Variants in AGBL4 observed in about 807,000 individuals in gnomAD.
The protein encoded by AGBL4 is cytosolic carboxypeptidase 6.
Under a neutral mutation model 66.4 loss-of-function variants are expected in AGBL4, and 58 were observed. The ratio of observed to expected loss-of-function variants is 0.87; its 90% CI spans 0.71 to 1.09. The LOEUF is 1.09. Among genes scored for constraint, AGBL4 ranks in the 50% least tolerant of loss-of-function variants. The probability of loss-of-function intolerance (pLI) is 0.00; values close to 1 mark genes in which losing one functional copy is unlikely to be tolerated. For synonymous variants in AGBL4, 234 were observed against 222.9 expected (o/e 1.05, Z -0.44); for missense variants, 579 against 631.0 (o/e 0.92, Z 0.88).
At chr1:48,909,561 A>G (rs1439803181) in intron 5 of AGBL4, among the ~76,000 whole-genome samples, 1 of 152,188 alleles carries the variant, frequency 6.6e-6, no homozygotes, top group Non-Finnish European at 1.5e-5. Flanking sequence ...CTGCAATTAG[A>G]GTGAATTTGG....
At chr1:49,293,310 G>A (rs1216911180) in intron 3 of AGBL4, among the ~76,000 whole-genome samples, 1 of 152,170 alleles carries the variant, frequency 6.6e-6, no homozygotes, top group Non-Finnish European at 1.5e-5. Context: ...GCAGGCATAG[G>A]ATCCAAGCCA....
intron 3 of AGBL4, among the ~76,000 whole-genome samples, chr1:49,274,434 T>G (rs976566458): frequency 6.6e-6 from 1 of 152,152 alleles, no homozygotes; most frequent in African/African-American, 2.4e-5. Context: ...TTGTATGAGA[T>G]TACTAACATA....
rs142062299 is a variant in AGBL4 at position 48,549,588 on chromosome 1, G to A, written c.1268-9850C>T. Among the ~76,000 whole-genome samples, 6 of 152,084 alleles carry A rather than the reference G, an allele frequency of 3.9e-5. No homozygotes were observed. The East Asian group carries it at 1.2e-3, about 30-fold the overall frequency. ...GGCCGCAGAGGCAGAGACCAAAAGCGAAAGAGATGCAAATGGACAGGAAAA... is the reference window on the plus strand; with the variant it reads ...GGCCGCAGAGGCAGAGACCAAAAGCAAAAGAGATGCAAATGGACAGGAAAA... On this transcript the variant is annotated intron_variant, in intron 11 of 13. Coordinates refer to ENST00000371839, the MANE Select transcript of AGBL4 (RefSeq NM_032785.4).
chr1:49,103,706 G>A (rs1645243490), intron 4 of AGBL4, among the ~76,000 whole-genome samples: 1 of 152,058 alleles, frequency 6.6e-6, no homozygotes, highest in Non-Finnish European at 1.5e-5. Context: ...GTGTTACTAA[G>A]AAGATTCTAC....
chr1:48,548,028 G>A (rs908231142), intron 11 of AGBL4, among the ~76,000 whole-genome samples: 8 of 152,002 alleles, frequency 5.3e-5, no homozygotes, highest in Non-Finnish European at 8.8e-5. Context: ...AAATATTTAG[G>A]GAGAACTGAC....
chr1:49,014,206 C>T (rs1662652937), intron 5 of AGBL4, among the ~76,000 whole-genome samples: 1 of 152,180 alleles, frequency 6.6e-6, no homozygotes, highest in African/African-American at 2.4e-5. Context: ...ACTAAGGTTA[C>T]TCCATTTCTG....
chr1:49,407,369 A>G (rs1645227099), intron 3 of AGBL4, among the ~76,000 whole-genome samples: 3 of 152,218 alleles, frequency 2.0e-5, no homozygotes, highest in Non-Finnish European at 4.4e-5. Flanking sequence ...CTGGGTCTCT[A>G]GGCCATGGGC....
chr1:48,867,185 A>G lies in AGBL4; in HGVS notation c.634+6T>C, dbSNP rs1470124128. On this transcript the variant is annotated splice_donor_region_variant and intron_variant, in intron 6 of 13. Transcript: ENST00000371839. ...AAGCAAAGGCAGAAGGGCCACGCCT[A>G]CTCACCAGGGCTGGTTATCGTCAGG... is the stretch of plus-strand genomic sequence containing the variant. 2 of 1,613,472 alleles carry G rather than the reference A, an allele frequency of 1.2e-6. No individual in the cohort carries two copies. The highest frequency in any genetic ancestry group is 1.7e-5 in the Admixed American group (1 of 59,928).
At chr1:49,861,473 G>A (rs1463458586) in intron 1 of AGBL4, among the ~76,000 whole-genome samples, 2 of 152,094 alleles carry the variant, frequency 1.3e-5, no homozygotes, top group African/African-American at 4.8e-5. Context: ...TCAGAGTAAT[G>A]AGGCCCCTGT....
rs1645585798 is a variant in AGBL4, at chr1:49,829,047, C to A, written c.157+22349G>T. Among the ~76,000 whole-genome samples, 4 of 143,270 alleles carry A rather than the reference C, an allele frequency of 2.8e-5. No individual in the cohort carries two copies. The South Asian group carries it at 6.5e-4, about 23-fold the overall frequency. 94.0% of individuals were successfully genotyped at this position (143,270 alleles called of 152,430 possible). A position where few individuals can be genotyped will look rare whatever the true frequency, so the allele number is the denominator to read the frequency against. Reference sequence around the variant, plus strand: ...TAGCGCCACTGCAGTCCAGCCTGGACGAAAGAGTGAGACTCCGTCTCAAAA... The same window carrying A: ...TAGCGCCACTGCAGTCCAGCCTGGAAGAAAGAGTGAGACTCCGTCTCAAAA... On this transcript the variant is annotated intron_variant, in intron 2 of 13. Transcript: ENST00000371839.
chr1:49,398,039 A>C (rs1252772798), intron 3 of AGBL4, among the ~76,000 whole-genome samples: 3 of 152,188 alleles, frequency 2.0e-5, no homozygotes, highest in Non-Finnish European at 4.4e-5. Flanking sequence ...CTTTTAATAC[A>C]ATATGCTCAA....
intron 11 of AGBL4, among the ~76,000 whole-genome samples, chr1:48,552,235 T>C (rs138188869): frequency 6.6e-6 from 1 of 152,248 alleles, no homozygotes; most frequent in East Asian, 1.9e-4. Context: ...GGCTAATTTT[T>C]GTGTTTTTAA....
intron 5 of AGBL4, among the ~76,000 whole-genome samples, chr1:48,994,415 C>T (rs553837523): frequency 5.9e-5 from 9 of 152,138 alleles, no homozygotes; most frequent in Non-Finnish European, 1.3e-4. Context: ...TACATTATAC[C>T]ATAGGTATAT....
At chr1:49,185,958 G>A (rs547651270) in intron 4 of AGBL4, among the ~76,000 whole-genome samples, 11 of 152,146 alleles carry the variant, frequency 7.2e-5, no homozygotes, top group East Asian at 3.9e-4. Flanking sequence ...CTGTGCCCGG[G>A]TACTTTCCCT....
chr1:49,104,433 G>A (rs765810917), intron 4 of AGBL4, among the ~76,000 whole-genome samples: 14 of 152,036 alleles, frequency 9.2e-5, no homozygotes, highest in Admixed American at 5.2e-4. Flanking sequence ...TTAGAAAAGC[G>A]GACAAAAGCA....
chr1:49,536,961 C>T (rs1651639681), intron 3 of AGBL4, among the ~76,000 whole-genome samples: 2 of 151,200 alleles, frequency 1.3e-5, no homozygotes, highest in Non-Finnish European at 2.9e-5. Context: ...GAGCCAAGAT[C>T]ATGCCATTGC....
intron 6 of AGBL4, among the ~76,000 whole-genome samples, chr1:48,741,879 G>A (rs1649969823): frequency 6.6e-6 from 1 of 152,196 alleles, no homozygotes; most frequent in Non-Finnish European, 1.5e-5. Flanking sequence ...GGGCTCTGAT[G>A]TACTTCTTCA....
At chr1:48,778,736 CA>C (rs1288257503) in intron 6 of AGBL4, among the ~76,000 whole-genome samples, 4 of 152,156 alleles carry the variant, frequency 2.6e-5, no homozygotes, top group Admixed American at 1.3e-4. Context: ...ATTATAAAAT[CA>C]AAGCACTGTG....
intron 2 of AGBL4, among the ~76,000 whole-genome samples, chr1:49,840,316 T>C (rs891518527): frequency 6.6e-6 from 1 of 152,198 alleles, no homozygotes; most frequent in Non-Finnish European, 1.5e-5. Context: ...AGTTGTAATG[T>C]TGTATTTGTC....
Sources: gnomAD v4.1 joint callset for allele counts (sites outside exome capture counted in the v4.1 genomes callset) on GRCh38, gnomAD v4.1.1 for gene constraint, MANE v1.5 for transcripts, NCBI Gene and HGNC (gene_info 2026-07-23, HGNC 2026-07-21) for gene names.